GNA14: variants seen among roughly 807,000 people sequenced by gnomAD.
GNA14 encodes guanine nucleotide-binding protein subunit alpha-14.
In GNA14, 50 loss-of-function variants were observed where a neutral mutation model predicts 42.0. The ratio of observed to expected loss-of-function variants is 1.19; its 90% CI spans 0.95 to 1.51. The LOEUF (loss-of-function observed/expected upper bound fraction) is 1.51, where lower values mean the gene tolerates loss of function less well. Among genes scored for constraint, GNA14 ranks in the 40% most tolerant of loss-of-function variants. The probability of loss-of-function intolerance (pLI) is 0.00; values close to 1 mark genes in which losing one functional copy is unlikely to be tolerated. For missense variants in GNA14, 473 were observed against 446.2 expected (o/e 1.06, Z -0.54); for synonymous variants, 173 against 163.1 (o/e 1.06, Z -0.46).
At chr9:77,589,392 C>CTT (rs899687258) in intron 1 of GNA14, among the ~76,000 whole-genome samples, 2 of 152,046 alleles carry the variant, frequency 1.3e-5, no homozygotes, top group African/African-American at 2.4e-5. Context: ...GCTCGGTTTT[C>CTT]TTTTTTTGTT....
At chr9:77,591,875 C>T (rs1223188991) in intron 1 of GNA14, among the ~76,000 whole-genome samples, 2 of 151,744 alleles carry the variant, frequency 1.3e-5, no homozygotes, top group Non-Finnish European at 2.9e-5. Context: ...CTGTGAACCA[C>T]TTGAGTTTCT....
chr9:77,571,220 A>T (rs1823053680), intron 1 of GNA14, among the ~76,000 whole-genome samples: 1 of 152,214 alleles, frequency 6.6e-6, no homozygotes, highest in African/African-American at 2.4e-5. Flanking sequence ...ATGAGTTCAT[A>T]ATCTCTGAGA....
chr9:77,646,925 A>G (rs1824363605), intron 1 of GNA14, among the ~76,000 whole-genome samples: 2 of 152,204 alleles, frequency 1.3e-5, no homozygotes, highest in Non-Finnish European at 2.9e-5. Context: ...GACCTGCCAG[A>G]GGCACCAGGG....
chr9:77,555,109 A>G (rs1822754897), intron 1 of GNA14, among the ~76,000 whole-genome samples: 1 of 152,202 alleles, frequency 6.6e-6, no homozygotes, highest in Non-Finnish European at 1.5e-5. Context: ...GTTTTATTAG[A>G]TATGATAATT....
At chr9:77,482,489 T>C (rs1167526168) in intron 2 of GNA14, among the ~76,000 whole-genome samples, 1 of 152,180 alleles carries the variant, frequency 6.6e-6, no homozygotes, top group Non-Finnish European at 1.5e-5. Flanking sequence ...CCCTTAACAT[T>C]TTTTCCTTCC....
chr9:77,426,091 T>G (rs1835449899), intron 5 of GNA14, among the ~76,000 whole-genome samples: 1 of 152,146 alleles, frequency 6.6e-6, no homozygotes, highest in Non-Finnish European at 1.5e-5. Context: ...AAGTGCCAGC[T>G]TCAGACCTGA....
chr9:77,638,348 G>A (rs1824213221), intron 1 of GNA14, among the ~76,000 whole-genome samples: 2 of 152,220 alleles, frequency 1.3e-5, no homozygotes, highest in Non-Finnish European at 2.9e-5. Flanking sequence ...CAGCTATGAA[G>A]AAATAAAGCC....
chr9:77,536,365 A>T (rs780706064), intron 1 of GNA14, among the ~76,000 whole-genome samples: 27 of 152,222 alleles, frequency 1.8e-4, no homozygotes, highest in African/African-American at 5.8e-4. Context: ...TGTGTGTGTG[A>T]GAGAGACAAG....
intron 1 of GNA14, among the ~76,000 whole-genome samples, chr9:77,587,529 A>C (rs1263445426): frequency 6.6e-6 from 1 of 152,026 alleles, no homozygotes; most frequent in Non-Finnish European, 1.5e-5. Flanking sequence ...ATATTTGCCA[A>C]GCAAAAGAAG....
intron 1 of GNA14, among the ~76,000 whole-genome samples, chr9:77,568,438 G>A (rs1429179813): frequency 6.6e-6 from 1 of 150,766 alleles, no homozygotes; most frequent in East Asian, 1.9e-4. Flanking sequence ...GTTGCAGTGA[G>A]CAGGGATCAT....
chr9:77,434,282 A>G, intron 3 of GNA14, 86 bp downstream of exon 3: 1 of 1,258,652 alleles, frequency 7.9e-7, no homozygotes, highest in South Asian at 1.4e-5. Flanking sequence ...ACCGCATTTC[A>G]GCAGCGTTCA....
chr9:77,577,449 C>T (rs999008239), intron 1 of GNA14, among the ~76,000 whole-genome samples: 2 of 152,154 alleles, frequency 1.3e-5, no homozygotes, highest in African/African-American at 4.8e-5. Context: ...ACAAGTGGGT[C>T]TCATAAACTC....
chr9:77,494,642 T>C (rs17348541), intron 2 of GNA14, among the ~76,000 whole-genome samples: 11,887 of 152,272 alleles, frequency 0.078, 470 homozygotes, highest in Middle Eastern at 0.11. Context: ...GGAATACATC[T>C]TGGGAAATTG....
rs1554692241 is a variant in GNA14 at position 77,501,709 on chromosome 9, A to ATTTCT, written c.309+27355_309+27359dup. Among the ~76,000 whole-genome samples the ATTTCT allele has an allele frequency of 1.7e-3, 158 of 94,304 alleles. 2 individuals are homozygous for ATTTCT. Among genetic ancestry groups the ATTTCT allele is most frequent in the African/African-American group, 7.5e-3 (156 of 20,726 alleles). 61.9% of individuals were successfully genotyped at this position (94,304 alleles called of 152,430 possible). A position where few individuals can be genotyped will look rare whatever the true frequency, so the allele number is the denominator to read the frequency against. ...TTTTCTTTGTTGTTCAGATTGGATA[A>ATTTCT]TTTCTTTTTTTTTTTTTTTGAGATG... is the stretch of plus-strand genomic sequence containing the variant. On this transcript the variant is annotated intron_variant, in intron 2 of 6. Transcript: ENST00000341700.
chr9:77,596,388 A>G (rs1327804704), intron 1 of GNA14, among the ~76,000 whole-genome samples: 1 of 152,156 alleles, frequency 6.6e-6, no homozygotes, highest in Non-Finnish European at 1.5e-5. Context: ...TGTATTGCAC[A>G]ACTGATTTTT....
At position 77,648,108 on chromosome 9, in the gene GNA14, A is replaced by G; in HGVS notation, c.-315T>C. 1 of 400,428 alleles carries G rather than the reference A, an allele frequency of 2.5e-6. No homozygotes were observed. The allele number at this position is 400,428 out of a possible 1,614,324, so 24.8% of individuals were successfully genotyped here. On this transcript the variant is annotated 5_prime_UTR_variant, in exon 1 of 7. Coordinates refer to ENST00000341700, the MANE Select transcript of GNA14 (RefSeq NM_004297.4). ...GTTGGGAGCGTTGCTGGCCCCGGGA[A>G]GATGCGCGCGCCCCTTGGCACAGGA...
At chr9:77,428,751 A>C (rs1229302496) in intron 5 of GNA14, among the ~76,000 whole-genome samples, 156 bp downstream of exon 5, 1 of 152,228 alleles carries the variant, frequency 6.6e-6, no homozygotes, top group Non-Finnish European at 1.5e-5. Context: ...CAAGCCATGC[A>C]GGTGATGCCT....
intron 2 of GNA14, among the ~76,000 whole-genome samples, chr9:77,458,952 A>ACCT (rs1364161770): frequency 1.6e-4 from 23 of 145,824 alleles, no homozygotes; most frequent in African/African-American, 4.9e-4. Flanking sequence ...CTCTAGCCCC[A>ACCT]CCTCCTCATG....
At chr9:77,537,984 C>G (rs78224995) in intron 1 of GNA14, among the ~76,000 whole-genome samples, 4,870 of 151,378 alleles carry the variant, frequency 0.032, 248 homozygotes, top group African/African-American at 0.11. Context: ...CCTTGTTGAT[C>G]AATAGTTTGC....
Sources: allele counts gnomAD v4.1 joint callset (sites outside exome capture counted in the v4.1 genomes callset), GRCh38; gene constraint gnomAD v4.1.1; transcripts MANE v1.5; gene names NCBI Gene and HGNC (gene_info 2026-07-23, HGNC 2026-07-21).